The following ADCY10 variants were observed in gnomAD, a reference collection of about 807,000 sequenced individuals.
ADCY10 encodes the protein adenylate cyclase type 10.
ADCY10 carries 156 observed loss-of-function variants against 183.3 expected under a neutral mutation model. That is an observed-to-expected ratio of 0.85 (90% CI 0.75 to 0.97). The LOEUF is 0.97. Ranked by LOEUF, ADCY10 falls within the 50% of genes least tolerant of loss-of-function variation. The pLI is 0.00. For missense variants in ADCY10, 1,745 were observed against 1,934.3 expected (o/e 0.90, Z 1.84); for synonymous variants, 645 against 670.0 (o/e 0.96, Z 0.58).
At chr1:167,906,743 C>T (rs1184433187) in intron 1 of ADCY10, among the ~76,000 whole-genome samples, 4 of 151,904 alleles carry the variant, frequency 2.6e-5, no homozygotes, top group African/African-American at 4.8e-5. Context: ...GAGCTGAGAT[C>T]GTGTCACTGC....
At chr1:167,841,951 T>C (rs1664684532) in intron 21 of ADCY10, among the ~76,000 whole-genome samples, 1 of 152,154 alleles carries the variant, frequency 6.6e-6, no homozygotes, top group African/African-American at 2.4e-5. Flanking sequence ...CTGTAGAAGA[T>C]AAAGGAGTGA....
intron 4 of ADCY10, 48 bp from the exon 5 acceptor site, chr1:167,901,853 A>G (rs1174705299): frequency 1.2e-6 from 2 of 1,613,918 alleles, no homozygotes; most frequent in Non-Finnish European, 1.7e-6. Flanking sequence ...CTGGGGATCA[A>G]TCTATTTTGT....
rs1480526120 is a variant in ADCY10, at chr1:167,810,854, G to A, written c.4542C>T (p.Tyr1514=). Reference sequence around the variant, plus strand: ...ATATACAGACGTAAGCCATCAGGTGGTAGAGCCTTGGGCAAAAGACAGGGC... The same window carrying A: ...ATATACAGACGTAAGCCATCAGGTGATAGAGCCTTGGGCAAAAGACAGGGC... ...TTGPVFCPRL[Y]HLMAYVCILM... Residue 1514 remains tyrosine (Y), a synonymous_variant, in exon 32 of 33, where the codon TAC becomes TAT. Coordinates refer to ENST00000367851, the MANE Select transcript of ADCY10 (RefSeq NM_018417.6). The A allele has an allele frequency of 3.1e-6, 5 of 1,614,034 alleles. No homozygotes were observed. Among genetic ancestry groups the A allele is most frequent in the African/African-American group, 1.3e-5 (1 of 74,928 alleles).
At chr1:167,862,587 T>C (rs941643573) in intron 14 of ADCY10, among the ~76,000 whole-genome samples, 1 of 152,206 alleles carries the variant, frequency 6.6e-6, no homozygotes, top group African/African-American at 2.4e-5. Context: ...CATCCATTTG[T>C]AGTACTTTTT....
At chr1:167,904,877 G>A in intron 2 of ADCY10, 116 bp downstream of exon 2, 1 of 1,385,576 alleles carries the variant, frequency 7.2e-7, no homozygotes, top group South Asian at 1.2e-5. Context: ...CACATCTGCT[G>A]TGACAGCCCA....
chr1:167,897,528 T>G (rs184993730), intron 6 of ADCY10, among the ~76,000 whole-genome samples: 1 of 11,050 alleles, frequency 9.0e-5, no homozygotes, highest in Non-Finnish European at 1.3e-4. Context: ...TATATATATA[T>G]AGAGAGAGAG....
At chr1:167,884,439 C>G (rs1668078611) in intron 8 of ADCY10, among the ~76,000 whole-genome samples, 1 of 152,154 alleles carries the variant, frequency 6.6e-6, no homozygotes, top group Non-Finnish European at 1.5e-5. Flanking sequence ...CACCTCCTAC[C>G]AGTCCCCTCC....
intron 26 of ADCY10, among the ~76,000 whole-genome samples, chr1:167,826,822 T>A (rs774023017): frequency 1.3e-5 from 2 of 152,146 alleles, no homozygotes; most frequent in Non-Finnish European, 2.9e-5. Context: ...TGGGTGGCCA[T>A]GACCAGTTCC....
intron 30 of ADCY10, among the ~76,000 whole-genome samples, chr1:167,819,245 C>T (rs1206781314): frequency 7.2e-6 from 1 of 138,398 alleles, no homozygotes; most frequent in Non-Finnish European, 1.6e-5. Flanking sequence ...GTAGAAAATC[C>T]GATTTTTTTT....
intron 15 of ADCY10, 21 bp downstream of exon 15, chr1:167,860,850 A>G (rs1250287460): frequency 6.2e-7 from 1 of 1,606,370 alleles, no homozygotes; most frequent in African/African-American, 1.3e-5. Context: ...TTTGTGCAGA[A>G]GTATAATACT....
intron 31 of ADCY10, among the ~76,000 whole-genome samples, chr1:167,817,466 G>A (rs1662601919): frequency 1.3e-5 from 2 of 152,194 alleles, no homozygotes; most frequent in Admixed American, 6.5e-5. Flanking sequence ...CAAGGCAAAC[G>A]TGTCAACCCA....
chr1:167,860,721 G>T, intron 15 of ADCY10, 150 bp downstream of exon 15: 1 of 675,120 alleles, frequency 1.5e-6, no homozygotes, highest in Non-Finnish European at 2.7e-6. Context: ...GAATGTTGAT[G>T]CACATCCAGA....
rs1343609498 is a variant in ADCY10, at chr1:167,856,402, T to C, written c.1934A>G (p.Glu645Gly). The C allele has an allele frequency of 1.9e-6, 3 of 1,614,190 alleles. No homozygotes were observed. Among genetic ancestry groups the C allele is most frequent in the Non-Finnish European group, 2.5e-6 (3 of 1,180,028 alleles). Residue 645 changes from glutamate (E) to glycine (G), a missense_variant, in exon 17 of 33, where the codon GAG becomes GGG. Transcript: ENST00000367851. ...GGAGGTCGAATCCACAAACTGGGCC[T>C]CATCAATGATAAAAATAATCCTTTC... The part of the protein sequence containing the change: ...KEERIIFIID[E>G]AQFVDSTSWR...
At chr1:167,859,917 T>C (rs1380967259) in intron 15 of ADCY10, 24 bp from the exon 16 acceptor site, 1 of 1,551,206 alleles carries the variant, frequency 6.4e-7, no homozygotes. Context: ...TATGAGAATA[T>C]TGAGTATGGG....
intron 1 of ADCY10, among the ~76,000 whole-genome samples, chr1:167,907,720 A>G (rs1006702288): frequency 6.6e-6 from 1 of 152,256 alleles, no homozygotes; most frequent in Non-Finnish European, 1.5e-5. Context: ...GCAAGCCAAC[A>G]TTATTTCCTA....
At chr1:167,903,359 T>A (rs1327654343) in intron 3 of ADCY10, among the ~76,000 whole-genome samples, 6 of 151,804 alleles carry the variant, frequency 4.0e-5, no homozygotes, top group Non-Finnish European at 7.4e-5. Context: ...AGGTCAGGAG[T>A]TTGAGACCAG....
At chr1:167,885,191 G>T (rs970435213) in intron 8 of ADCY10, among the ~76,000 whole-genome samples, 2 of 152,112 alleles carry the variant, frequency 1.3e-5, no homozygotes, top group Non-Finnish European at 2.9e-5. Flanking sequence ...TTTCTCTGTT[G>T]ATGGACACTT....
At chr1:167,897,029 C>G (rs1218712594) in intron 6 of ADCY10, among the ~76,000 whole-genome samples, 1 of 151,910 alleles carries the variant, frequency 6.6e-6, no homozygotes. Flanking sequence ...AACTGCACAC[C>G]ATTTCTTCCT....
At chr1:167,835,906 G>A (rs1472113213) in intron 23 of ADCY10, among the ~76,000 whole-genome samples, 1 of 151,938 alleles carries the variant, frequency 6.6e-6, no homozygotes, top group Non-Finnish European at 1.5e-5. Context: ...CAAAAAACCA[G>A]AATTGCACTT....
Sources: allele counts gnomAD v4.1 joint callset (sites outside exome capture counted in the v4.1 genomes callset), GRCh38; gene constraint gnomAD v4.1.1; transcripts MANE v1.5; gene names NCBI Gene and HGNC (gene_info 2026-07-23, HGNC 2026-07-21).